EPHB1: variants seen among roughly 807,000 people sequenced by gnomAD.
The protein encoded by EPHB1 is ephrin type-B receptor 1.
A neutral mutation model predicts 94.4 loss-of-function variants in EPHB1; 30 were observed. That is an observed-to-expected ratio of 0.32 (90% CI 0.24 to 0.43). EPHB1 has a LOEUF of 0.43. Among genes scored for constraint, EPHB1 ranks in the 20% least tolerant of loss-of-function variants. The pLI is 1.00. For missense variants in EPHB1, 1,055 were observed against 1,308.3 expected, an observed-to-expected ratio of 0.81 and a Z score of 2.99; for synonymous variants, 522 against 489.1, an observed-to-expected ratio of 1.07 and a Z score of -0.89.
At chr3:135,096,123 C>T (rs1392076676) in intron 3 of EPHB1, among the ~76,000 whole-genome samples, 1 of 152,178 alleles carries the variant, frequency 6.6e-6, no homozygotes, top group Admixed American at 6.5e-5. Flanking sequence ...TTGATGAAAA[C>T]ATTCAGCCTG....
chr3:135,234,775 C>T (rs558380976), intron 12 of EPHB1, among the ~76,000 whole-genome samples: 1 of 152,296 alleles, frequency 6.6e-6, no homozygotes, highest in East Asian at 1.9e-4. Context: ...CTTATAGAAC[C>T]ATCAGATCTT....
intron 3 of EPHB1, among the ~76,000 whole-genome samples, chr3:135,088,387 CAT>C (rs1319773299): frequency 6.6e-6 from 1 of 152,168 alleles, no homozygotes; most frequent in Non-Finnish European, 1.5e-5. Context: ...ACTATCTTCT[CAT>C]ATAGTTTCAT....
chr3:134,965,651 T>C (rs762255087), intron 3 of EPHB1, among the ~76,000 whole-genome samples: 7 of 152,202 alleles, frequency 4.6e-5, no homozygotes, highest in Non-Finnish European at 1.0e-4. Flanking sequence ...TCAGTCATTT[T>C]CTCTCTGACC....
At chr3:135,227,807 T>A (rs1293391300) in intron 12 of EPHB1, among the ~76,000 whole-genome samples, 1 of 152,188 alleles carries the variant, frequency 6.6e-6, no homozygotes, top group African/African-American at 2.4e-5. Flanking sequence ...AACACTCATA[T>A]AACATTTGCC....
At chr3:134,840,567 G>C (rs979991078) in intron 1 of EPHB1, 3 of 152,152 alleles carry the variant, frequency 2.0e-5, no homozygotes, top group Non-Finnish European at 4.4e-5. Flanking sequence ...TAGTTTCTCA[G>C]TGCCCATACC....
At chr3:134,974,854 A>C (rs1559778871) in intron 3 of EPHB1, among the ~76,000 whole-genome samples, 1 of 111,266 alleles carries the variant, frequency 9.0e-6, no homozygotes, top group Non-Finnish European at 1.8e-5. Flanking sequence ...TGTTTCCAGC[A>C]CGGGAGGGGC....
chr3:134,946,066 A>G (rs561736773), intron 2 of EPHB1, among the ~76,000 whole-genome samples: 3 of 152,220 alleles, frequency 2.0e-5, no homozygotes, highest in East Asian at 1.9e-4. Flanking sequence ...TGGCCCCTTG[A>G]GTCTGTGGCT....
At chr3:135,134,616 T>C (rs1012928713) in intron 5 of EPHB1, among the ~76,000 whole-genome samples, 2 of 152,206 alleles carry the variant, frequency 1.3e-5, no homozygotes, top group African/African-American at 4.8e-5. Context: ...ACAGTGTTGG[T>C]GCCGTAGAGA....
At chr3:135,054,866 G>T (rs1297019913) in intron 3 of EPHB1, among the ~76,000 whole-genome samples, 2 of 151,978 alleles carry the variant, frequency 1.3e-5, no homozygotes, top group African/African-American at 4.8e-5. Context: ...TCCTCCAAAG[G>T]CCTGCATTTG....
chr3:135,203,539 T>C (rs987129469), intron 12 of EPHB1, among the ~76,000 whole-genome samples: 4 of 152,182 alleles, frequency 2.6e-5, no homozygotes, highest in Admixed American at 6.5e-5. Context: ...AAAGATACCA[T>C]GTAGATAATT....
Position 135,048,237 on chromosome 3 carries a change from T to TC in EPHB1, c.806-58210dup, listed in dbSNP as rs1553726189. 7.0e-3 allele frequency among the ~76,000 whole-genome samples: 994 copies of TC among 142,260 alleles called. 22 individuals are homozygous for TC. The highest frequency in any genetic ancestry group is 0.027 in the African/African-American group (961 of 36,154). 93.3% of individuals were successfully genotyped at this position (142,260 alleles called of 152,430 possible). On this transcript the variant is annotated intron_variant, in intron 3 of 15. Coordinates refer to ENST00000398015, the MANE Select transcript of EPHB1 (RefSeq NM_004441.5). Reference sequence around the variant, plus strand: ...AAAAAAAATACTCTTTTTTTTTTTTTCTTTTTCTTTCTTTCTTTTTTCTTT... The same window carrying TC: ...AAAAAAAATACTCTTTTTTTTTTTTTCCTTTTTCTTTCTTTCTTTTTTCTTT...
At chr3:134,928,936 C>T (rs537162058) in intron 2 of EPHB1, among the ~76,000 whole-genome samples, 4 of 151,882 alleles carry the variant, frequency 2.6e-5, no homozygotes, top group South Asian at 2.1e-4. Flanking sequence ...AATGCTTCTG[C>T]GTGTTAAACA....
intron 13 of EPHB1, among the ~76,000 whole-genome samples, chr3:135,245,893 C>A (rs950288307): frequency 1.3e-5 from 2 of 150,866 alleles, no homozygotes; most frequent in African/African-American, 2.4e-5. Context: ...GAGTTACATT[C>A]GGTCTAGAGC....
intron 3 of EPHB1, among the ~76,000 whole-genome samples, chr3:135,051,896 G>A (rs949047828): frequency 4.6e-5 from 7 of 152,194 alleles, no homozygotes; most frequent in African/African-American, 1.4e-4. Flanking sequence ...CACTGAGGGA[G>A]TAGAGATTCT....
chr3:135,130,901 C>T (rs937222761), intron 4 of EPHB1, among the ~76,000 whole-genome samples: 8 of 152,146 alleles, frequency 5.3e-5, no homozygotes, highest in Admixed American at 2.0e-4. Flanking sequence ...ACAAGAGTTG[C>T]GTTGACTGCT....
At chr3:135,171,704 T>A (rs1941806378) in intron 9 of EPHB1, among the ~76,000 whole-genome samples, 1 of 152,250 alleles carries the variant, frequency 6.6e-6, no homozygotes, top group South Asian at 2.1e-4. Flanking sequence ...TTAGTATCAG[T>A]GATACATAGC....
At chr3:134,949,255 G>A (rs1932920050) in intron 2 of EPHB1, among the ~76,000 whole-genome samples, 1 of 152,176 alleles carries the variant, frequency 6.6e-6, no homozygotes, top group South Asian at 2.1e-4. Flanking sequence ...GAGGGAACTG[G>A]CACTCTAGGA....
intron 3 of EPHB1, among the ~76,000 whole-genome samples, chr3:134,979,470 GA>G (rs1458020511): frequency 1.3e-5 from 2 of 152,202 alleles, no homozygotes; most frequent in Non-Finnish European, 2.9e-5. Flanking sequence ...TTCACTTCAA[GA>G]AGACATTTTA....
chr3:134,927,586 T>TTG (rs2038819349), intron 2 of EPHB1, among the ~76,000 whole-genome samples: 1 of 152,266 alleles, frequency 6.6e-6, no homozygotes, highest in African/African-American at 2.4e-5. Flanking sequence ...GTTTGAAGGC[T>TTG]TGTGTGTTTT....
Sources: allele counts gnomAD v4.1 joint callset (sites outside exome capture counted in the v4.1 genomes callset), GRCh38; gene constraint gnomAD v4.1.1; transcripts MANE v1.5; gene names NCBI Gene and HGNC (gene_info 2026-07-23, HGNC 2026-07-21).